The following GRID2 variants were observed in gnomAD, a reference collection of about 807,000 sequenced individuals.
GRID2 encodes glutamate receptor ionotropic, delta-2.
GRID2 carries 33 observed loss-of-function variants against 114.8 expected under a neutral mutation model. The ratio of observed to expected loss-of-function variants is 0.29; its 90% CI spans 0.22 to 0.38. The LOEUF (loss-of-function observed/expected upper bound fraction) is 0.38, where lower values mean the gene tolerates loss of function less well. Among genes scored for constraint, GRID2 ranks in the 10% least tolerant of loss-of-function variants. GRID2 has a pLI of 1.00. For missense variants in GRID2, 1,184 were observed against 1,257.7 expected, an observed-to-expected ratio of 0.94 and a Z score of 0.89; for synonymous variants, 505 against 449.9, an observed-to-expected ratio of 1.12 and a Z score of -1.55.
At chr4:93,234,421 T>C (rs887476840) in intron 7 of GRID2, among the ~76,000 whole-genome samples, 1 of 152,070 alleles carries the variant, frequency 6.6e-6, no homozygotes, top group Admixed American at 6.6e-5. Context: ...AGTTAACCGG[T>C]TGACTTAGGG....
chr4:92,702,522 C>T (rs2149302382), intron 2 of GRID2: 1 of 152,120 alleles, frequency 6.6e-6, no homozygotes, highest in Non-Finnish European at 1.5e-5. Flanking sequence ...TAAAGAGACC[C>T]TAAAACCCTC....
Position 93,383,923 on chromosome 4 carries a change from C to G in GRID2, c.1246-11684C>G, listed in dbSNP as rs75892833. On this transcript the variant is annotated intron_variant, in intron 8 of 15. Coordinates refer to ENST00000282020, the MANE Select transcript of GRID2 (RefSeq NM_001510.4). ...TACTGGAGAAAACTCACAGAGCAAA[C>G]TCAGATTCAAGAAAAGGGGCTGTCT... is the stretch of plus-strand genomic sequence containing the variant. Among the ~76,000 whole-genome samples, 32 of 152,262 alleles carry G rather than the reference C, an allele frequency of 2.1e-4. No homozygotes were observed. The East Asian group carries it at 6.2e-3, about 29-fold the overall frequency.
chr4:93,339,263 G>A (rs1759398185), intron 8 of GRID2, among the ~76,000 whole-genome samples: 1 of 152,104 alleles, frequency 6.6e-6, no homozygotes, highest in African/African-American at 2.4e-5. Flanking sequence ...GACTTTATTT[G>A]GAAATAGTGT....
intron 2 of GRID2, among the ~76,000 whole-genome samples, chr4:92,860,368 G>T (rs775504581): frequency 1.3e-5 from 2 of 152,170 alleles, no homozygotes; most frequent in Non-Finnish European, 2.9e-5. Context: ...TTTTAAAAGC[G>T]ATTTAATTTT....
intron 1 of GRID2, among the ~76,000 whole-genome samples, chr4:92,384,598 C>CAATATATAATATATGTTATATATTATAT (rs1560599155): frequency 7.5e-5 from 2 of 26,498 alleles, no homozygotes; most frequent in Non-Finnish European, 1.8e-4. Flanking sequence ...TTATATATAA[C>CAATATATAATATATGTTATATATTATAT]ATAATATATA....
chr4:92,483,475 A>C (rs144475676), intron 1 of GRID2, among the ~76,000 whole-genome samples: 2 of 152,296 alleles, frequency 1.3e-5, no homozygotes, highest in East Asian at 1.9e-4. Context: ...ATGTTTTATC[A>C]GTTTAATTTA....
intron 1 of GRID2, among the ~76,000 whole-genome samples, chr4:92,457,051 TG>T (rs1352190304): frequency 6.6e-6 from 1 of 152,210 alleles, no homozygotes; most frequent in Non-Finnish European, 1.5e-5. Context: ...TCCTTACAAC[TG>T]GCATGAGCTT....
intron 2 of GRID2, among the ~76,000 whole-genome samples, chr4:92,706,414 T>A (rs973061375): frequency 3.3e-5 from 5 of 152,202 alleles, no homozygotes; most frequent in African/African-American, 7.2e-5. Flanking sequence ...TGGAGAGGTA[T>A]CATCAAGTAA....
At chr4:93,206,271 A>G (rs1742764264) in intron 4 of GRID2, among the ~76,000 whole-genome samples, 1 of 152,048 alleles carries the variant, frequency 6.6e-6, no homozygotes, top group African/African-American at 2.4e-5. Context: ...TTGAAAAAAC[A>G]TTGAGTCACA....
In GRID2 at chr4:92,828,334, C is replaced by A. The variant is rs931159373; in HGVS notation, c.244+238048C>A. ...AATAGATTTGCACTTGATAGATAGA[C>A]AAAAATTACCTTTGATAGAATTAGT... On this transcript the variant is annotated intron_variant, in intron 2 of 15. Transcript: ENST00000282020. 8.6e-5 allele frequency among the ~76,000 whole-genome samples: 13 copies of A among 151,980 alleles called. No homozygotes were observed. The East Asian group carries it at 2.5e-3, about 29-fold the overall frequency.
At chr4:93,679,744 A>C (rs773253306) in intron 14 of GRID2, among the ~76,000 whole-genome samples, 21 of 151,134 alleles carry the variant, frequency 1.4e-4, no homozygotes, top group East Asian at 9.7e-4. Context: ...ACAAAGACAC[A>C]ACATACCAGA....
At chr4:92,378,602 A>G (rs1729466375) in intron 1 of GRID2, among the ~76,000 whole-genome samples, 1 of 152,110 alleles carries the variant, frequency 6.6e-6, no homozygotes, top group African/African-American at 2.4e-5. Context: ...TTGAGCACAC[A>G]ACATGCACAC....
At chr4:92,700,432 A>G (rs922832544) in intron 2 of GRID2, among the ~76,000 whole-genome samples, 1 of 152,216 alleles carries the variant, frequency 6.6e-6, no homozygotes, top group South Asian at 2.1e-4. Context: ...TAGGGGTACA[A>G]TGGACACAAG....
At chr4:92,833,494 T>A (rs540277602) in intron 2 of GRID2, among the ~76,000 whole-genome samples, 1 of 152,074 alleles carries the variant, frequency 6.6e-6, no homozygotes, top group African/African-American at 2.4e-5. Flanking sequence ...CACTTGATGA[T>A]CTTTCTTTCT....
At chr4:92,777,662 G>A (rs962102287) in intron 2 of GRID2, among the ~76,000 whole-genome samples, 1 of 151,004 alleles carries the variant, frequency 6.6e-6, no homozygotes, top group Non-Finnish European at 1.5e-5. Flanking sequence ...TAAGGTCATC[G>A]AGCCATGCCC....
intron 1 of GRID2, among the ~76,000 whole-genome samples, chr4:92,429,652 T>C (rs924731525): frequency 2.0e-5 from 3 of 152,172 alleles, no homozygotes; most frequent in Non-Finnish European, 4.4e-5. Flanking sequence ...AGTCTATTTT[T>C]AGTTTTATGA....
chr4:92,382,774 G>A (rs888959627), intron 1 of GRID2, among the ~76,000 whole-genome samples: 1 of 151,930 alleles, frequency 6.6e-6, no homozygotes, highest in Non-Finnish European at 1.5e-5. Flanking sequence ...AAATAGCCAT[G>A]CTACATACTT....
chr4:93,396,370 G>A (rs1019131648), intron 9 of GRID2, among the ~76,000 whole-genome samples: 2 of 151,910 alleles, frequency 1.3e-5, no homozygotes, highest in Non-Finnish European at 2.9e-5. Flanking sequence ...AAGACCCCCA[G>A]TGGATGCCTG....
At chr4:92,790,240 G>A (rs1035334229) in intron 2 of GRID2, among the ~76,000 whole-genome samples, 1 of 151,320 alleles carries the variant, frequency 6.6e-6, no homozygotes, top group Admixed American at 6.6e-5. Context: ...AAACCTATCT[G>A]TCTACTTAGA....
Sources: allele counts gnomAD v4.1 joint callset (sites outside exome capture counted in the v4.1 genomes callset), GRCh38; gene constraint gnomAD v4.1.1; transcripts MANE v1.5; gene names NCBI Gene and HGNC (gene_info 2026-07-23, HGNC 2026-07-21).